The following WWOX variants were observed in gnomAD, a reference collection of about 807,000 sequenced individuals.
The protein encoded by WWOX is WW domain containing oxidoreductase.
Under a neutral mutation model 46.2 loss-of-function variants are expected in WWOX, and 69 were observed. The observed-to-expected ratio is 1.49, with a 90% CI of 1.23 to 1.82. The LOEUF is 1.82. WWOX is among the 40% of genes most tolerant of loss of function. WWOX has a pLI of 0.00. For synonymous variants in WWOX, 359 were observed against 202.6 expected, an observed-to-expected ratio of 1.77 and a Z score of -6.56; for missense variants, 919 against 542.6, an observed-to-expected ratio of 1.69 and a Z score of -6.89.
chr16:78,541,150 C>A (rs1301024658), intron 8 of WWOX, among the ~76,000 whole-genome samples: 2 of 152,094 alleles, frequency 1.3e-5, no homozygotes, highest in Admixed American at 1.3e-4. Flanking sequence ...CAAAATTGCA[C>A]ATACTCTATA....
intron 5 of WWOX, among the ~76,000 whole-genome samples, chr16:78,370,977 T>TGTC (rs1385001726): frequency 0.043 from 2,021 of 46,532 alleles, 74 homozygotes; most frequent in African/African-American, 0.086. Context: ...TGTGTTGTGA[T>TGTC]TTCTTTTTTT....
At chr16:79,150,977 C>T (rs1355746849) in intron 8 of WWOX, among the ~76,000 whole-genome samples, 1 of 152,140 alleles carries the variant, frequency 6.6e-6, no homozygotes, top group East Asian at 1.9e-4. Flanking sequence ...TTCATTTCTC[C>T]CTGATTTGAG....
At chr16:78,130,159 AC>A (rs1309153584) in intron 4 of WWOX, 1 of 152,164 alleles carries the variant, frequency 6.6e-6, no homozygotes, top group Admixed American at 6.5e-5. Context: ...AGTCAATTAA[AC>A]CTCTTTCCTT....
At chr16:78,842,886 A>G (rs994462163) in intron 8 of WWOX, among the ~76,000 whole-genome samples, 1 of 149,982 alleles carries the variant, frequency 6.7e-6, no homozygotes, top group African/African-American at 2.4e-5. Context: ...AAGGGGGGAT[A>G]AAGATAGACT....
At chr16:78,480,530 T>C (rs1171867014) in intron 8 of WWOX, among the ~76,000 whole-genome samples, 6 of 152,222 alleles carry the variant, frequency 3.9e-5, no homozygotes, top group African/African-American at 1.4e-4. Context: ...AGGAAAGAGA[T>C]GTGCTAAGAA....
intron 6 of WWOX, among the ~76,000 whole-genome samples, chr16:78,402,111 C>A (rs918519164): frequency 2.0e-5 from 3 of 152,240 alleles, no homozygotes; most frequent in Non-Finnish European, 4.4e-5. Flanking sequence ...AAAAAGAAAT[C>A]TCATAACAAT....
intron 5 of WWOX, among the ~76,000 whole-genome samples, chr16:78,333,043 C>CTTATTTTTTTTTTTTTTTTTT (rs2080797694): frequency 1.8e-5 from 1 of 57,094 alleles, no homozygotes. Flanking sequence ...GAGCATTATA[C>CTTATTTTTTTTTTTTTTTTTT]TTTTTTTTTT....
chr16:78,881,929 C>T (rs1054343007), intron 8 of WWOX, among the ~76,000 whole-genome samples: 5 of 152,062 alleles, frequency 3.3e-5, no homozygotes, highest in Non-Finnish European at 7.4e-5. Flanking sequence ...TTGAGATAAT[C>T]CTGGCCAACA....
chr16:78,838,998 A>T (rs975383876), intron 8 of WWOX, among the ~76,000 whole-genome samples: 4 of 152,172 alleles, frequency 2.6e-5, no homozygotes, highest in South Asian at 4.1e-4. Context: ...GACTGTCTCA[A>T]TGTCAATTTC....
intron 8 of WWOX, among the ~76,000 whole-genome samples, chr16:78,568,291 C>A (rs930826775): frequency 6.6e-6 from 1 of 151,812 alleles, no homozygotes; most frequent in Admixed American, 6.6e-5. Flanking sequence ...GAAAATGGTT[C>A]CTACTTATCA....
intron 8 of WWOX, among the ~76,000 whole-genome samples, chr16:78,915,693 C>A (rs1253495219): frequency 2.8e-4 from 2 of 7,168 alleles, no homozygotes; most frequent in Non-Finnish European, 1.3e-3. Flanking sequence ...CTCTCCAAAG[C>A]CATTTAAAAA....
Position 78,697,666 on chromosome 16 carries a change from T to G in WWOX, c.1056+264914T>G, listed in dbSNP as rs1244634259. On this transcript the variant is annotated intron_variant, in intron 8 of 8. Transcript: ENST00000566780. ...GTGAAAAAATGCTCAACATCACTAA[T>G]GATCAGGGAAAGGCTAATTTAAGTG... Among the ~76,000 whole-genome samples, 4 of 152,278 alleles carry G rather than the reference T, an allele frequency of 2.6e-5. No homozygotes were observed. In the South Asian group the frequency reaches 8.3e-4, roughly 32 times the overall value.
rs189073843 is a variant in WWOX at position 78,564,159 on chromosome 16, A to G, written c.1056+131407A>G. ...CAGCTGAGCCCAGCCCAAATTGCTGACTCATGCAATCTTGAGCTAAAAATA... is the reference window on the plus strand; with the variant it reads ...CAGCTGAGCCCAGCCCAAATTGCTGGCTCATGCAATCTTGAGCTAAAAATA... On this transcript the variant is annotated intron_variant, in intron 8 of 8. Transcript: ENST00000566780. Among the ~76,000 whole-genome samples, 7 of 152,342 alleles carry G rather than the reference A, an allele frequency of 4.6e-5. No individual in the cohort carries two copies. The East Asian group carries it at 1.4e-3, about 29-fold the overall frequency.
intron 8 of WWOX, among the ~76,000 whole-genome samples, chr16:78,989,858 T>TGTG (rs2046850743): frequency 2.5e-5 from 2 of 80,966 alleles, no homozygotes; most frequent in Non-Finnish European, 5.5e-5. Context: ...GTGTGTGTGA[T>TGTG]TGAGAGAGAG....
chr16:78,530,998 G>A (rs1005907474), intron 8 of WWOX, among the ~76,000 whole-genome samples: 1 of 152,186 alleles, frequency 6.6e-6, no homozygotes, highest in Non-Finnish European at 1.5e-5. Flanking sequence ...ATATGGAATT[G>A]GAATTTCAAA....
chr16:78,703,286 C>A (rs558768084), intron 8 of WWOX, among the ~76,000 whole-genome samples: 1 of 152,278 alleles, frequency 6.6e-6, no homozygotes, highest in Admixed American at 6.5e-5. Flanking sequence ...CATAAGTCAG[C>A]TTCTCTCCCA....
Position 78,452,624 on chromosome 16 carries a change from C to G in WWOX, c.1056+19872C>G, listed in dbSNP as rs562727164. Among the ~76,000 whole-genome samples the G allele has an allele frequency of 4.4e-4, 66 of 149,058 alleles. No individual in the cohort carries two copies. The South Asian group carries it at 0.014, about 32-fold the overall frequency. On this transcript the variant is annotated intron_variant, in intron 8 of 8. Coordinates refer to ENST00000566780, the MANE Select transcript of WWOX (RefSeq NM_016373.4). The stretch of plus-strand genomic sequence containing the variant: ...CCGAGTAGCTGGGACTGTAGGCATG[C>G]ACTACCACACCTGGCTAATTATTAT...
chr16:79,156,035 A>G (rs1261533735), intron 8 of WWOX, among the ~76,000 whole-genome samples: 2 of 152,184 alleles, frequency 1.3e-5, no homozygotes, highest in Admixed American at 6.5e-5. Flanking sequence ...TTAGTTTACA[A>G]TTTCCAGGAA....
At chr16:78,632,299 A>C (rs2046450886) in intron 8 of WWOX, among the ~76,000 whole-genome samples, 1 of 152,152 alleles carries the variant, frequency 6.6e-6, no homozygotes, top group Non-Finnish European at 1.5e-5. Flanking sequence ...AAATGATATA[A>C]TTCACTAAAA....
Sources: gnomAD v4.1 joint callset for allele counts (sites outside exome capture counted in the v4.1 genomes callset) on GRCh38, gnomAD v4.1.1 for gene constraint, MANE v1.5 for transcripts, NCBI Gene and HGNC (gene_info 2026-07-23, HGNC 2026-07-21) for gene names.